The following ZNF10 variants were observed in gnomAD, a reference collection of about 807,000 sequenced individuals.
The protein encoded by ZNF10 is zinc finger protein 10 (KOX 1).
Under a neutral mutation model 12.2 loss-of-function variants are expected in ZNF10, and 8 were observed. That is an observed-to-expected ratio of 0.66 (90% confidence interval 0.39 to 1.18). ZNF10 has a LOEUF of 1.18. Ranked by LOEUF, ZNF10 falls within the 50% of genes most tolerant of loss-of-function variation. ZNF10 has a pLI of 0.01. For missense variants in ZNF10, 603 were observed against 678.9 expected, an observed-to-expected ratio of 0.89 and a Z score of 1.24; for synonymous variants, 229 against 228.2, an observed-to-expected ratio of 1.00 and a Z score of -0.03.
rs745851204 is a variant in ZNF10, at chr12:133,156,946, A to G, written c.1700A>G (p.His567Arg). 7.0e-7 allele frequency: 1 copy of G among 1,424,890 alleles called. No homozygotes were observed. Among genetic ancestry groups the G allele is most frequent in the South Asian group, 1.9e-5 (1 of 52,426 alleles). 88.3% of individuals were successfully genotyped at this position (1,424,890 alleles called of 1,614,324 possible). A position where few individuals can be genotyped will look rare whatever the true frequency, so the allele number is the denominator to read the frequency against. The change falls in exon 5 of 5, where the codon CAT (histidine) becomes CGT (arginine). Residue 567 changes from histidine (H) to arginine (R), a missense_variant. Transcript: ENST00000248211. The stretch of plus-strand genomic sequence containing the variant: ...AACCTTATTGGATACCAGACAAATC[A>G]TATTAGAGAAAATGCTTACTAATAA... ...TSNLIGYQTN[H>R]IRENAY
intron 2 of ZNF10, 135 bp from the exon 3 acceptor site, chr12:133,150,893 C>G: frequency 9.5e-7 from 1 of 1,049,842 alleles, no homozygotes; most frequent in Non-Finnish European, 1.4e-6. Context: ...ACTACTCACT[C>G]CTAGAATAAA....
intron 1 of ZNF10, among the ~76,000 whole-genome samples, chr12:133,135,086 G>T (rs928283531): frequency 1.3e-5 from 2 of 152,134 alleles, no homozygotes; most frequent in Non-Finnish European, 2.9e-5. Context: ...TCTCATAGTT[G>T]TGTTCCTAAC....
intron 1 of ZNF10, among the ~76,000 whole-genome samples, chr12:133,137,895 A>G (rs1479417311): frequency 6.6e-6 from 1 of 152,218 alleles, no homozygotes; most frequent in Non-Finnish European, 1.5e-5. Flanking sequence ...GATACTTTAG[A>G]GAAGTCAGTT....
chr12:133,137,994 A>G (rs911814414), intron 1 of ZNF10, among the ~76,000 whole-genome samples: 3 of 152,082 alleles, frequency 2.0e-5, no homozygotes, highest in Non-Finnish European at 4.4e-5. Flanking sequence ...AATGGTTTAC[A>G]TCTGTGTTTC....
intron 1 of ZNF10, among the ~76,000 whole-genome samples, chr12:133,140,217 A>G (rs886925801): frequency 1.2e-4 from 18 of 144,648 alleles, no homozygotes; most frequent in South Asian, 4.6e-4. Flanking sequence ...AAAAAAAAAA[A>G]AAAAAAAAAA....
chr12:133,155,978 C>A lies in ZNF10; in HGVS notation c.732C>A (p.Asp244Glu). Reference sequence around the variant, plus strand: ...AATCCTACAAATGCCCTGATAATGACAACTCTCTTACTCATGGTTCATCTC... The same window carrying A: ...AATCCTACAAATGCCCTGATAATGAAAACTCTCTTACTCATGGTTCATCTC... ...GDKSYKCPDN[D>E]NSLTHGSSLG... The change falls in exon 5 of 5, where the codon GAC becomes GAA. Residue 244 changes from aspartate to glutamate, a missense_variant. Transcript: ENST00000248211. The A allele has an allele frequency of 6.2e-7, 1 of 1,613,980 alleles. No homozygotes were observed. The highest frequency in any genetic ancestry group is 1.1e-5 in the South Asian group (1 of 91,076).
rs1186467742 is a variant in ZNF10, at chr12:133,157,415, T to C, written c.*447T>C. The stretch of plus-strand genomic sequence containing the variant: ...ATTGTTTTCTTGACTATGTCTCTCT[T>C]CTGGGACATTTAGTAGTGTTTGGTA... On this transcript the variant is annotated 3_prime_UTR_variant, in exon 5 of 5. Coordinates refer to ENST00000248211, the MANE Select transcript of ZNF10 (RefSeq NM_015394.5). 2 of 152,866 alleles carry C rather than the reference T, an allele frequency of 1.3e-5. No homozygotes were observed. The highest frequency in any genetic ancestry group is 2.4e-5 in the African/African-American group (1 of 41,480). The allele number at this position is 152,866 out of a possible 1,614,324, so 9.5% of individuals were successfully genotyped here.
At chr12:133,147,816 C>CG (rs1955985114) in intron 2 of ZNF10, among the ~76,000 whole-genome samples, 1 of 145,976 alleles carries the variant, frequency 6.9e-6, no homozygotes, top group African/African-American at 2.5e-5. Context: ...TTAGTAGAGA[C>CG]GGGGTTTCAC....
At position 133,151,770 on chromosome 12, in the gene ZNF10, C is replaced by T. The variant is rs776488835; in HGVS notation, c.161-39C>T. 2.5e-6 allele frequency: 4 copies of T among 1,571,800 alleles called. No individual in the cohort carries two copies. The East Asian group carries it at 6.7e-5, about 26-fold the overall frequency. On this transcript the variant is annotated intron_variant, in intron 3 of 4. Coordinates refer to ENST00000248211, the MANE Select transcript of ZNF10 (RefSeq NM_015394.5). ...TCTTCGTGCCTACCTCAGAGCTCCC[C>T]TGACTCTTACCCTGTTCTTTGTCTT...
rs1250010303 is a variant in ZNF10, at chr12:133,158,775, G to GAT, written c.*1808_*1809insTA. On this transcript the variant is annotated 3_prime_UTR_variant, in exon 5 of 5. Transcript: ENST00000248211. ...GGAAAAAACCTAGAAATGATGGTTA[G>GAT]AATCAGGAGACTTGAGAACTACGAG... The GAT allele has an allele frequency of 6.6e-6, 1 of 152,180 alleles. No individual in the cohort carries two copies. The highest frequency in any genetic ancestry group is 1.5e-5 in the Non-Finnish European group (1 of 68,036). The allele number at this position is 152,180 out of a possible 1,614,324, so 9.4% of individuals were successfully genotyped here.
intron 4 of ZNF10, among the ~76,000 whole-genome samples, chr12:133,153,459 C>T (rs1238663655): frequency 6.6e-6 from 1 of 152,112 alleles, no homozygotes; most frequent in Non-Finnish European, 1.5e-5. Flanking sequence ...TCAGCACCCC[C>T]CTTATCATAG....
rs1481358765 is a variant in ZNF10 at position 133,156,637 on chromosome 12, A to G, written c.1391A>G (p.His464Arg). The G allele has an allele frequency of 6.2e-7, 1 of 1,614,136 alleles. No individual in the cohort carries two copies. Among genetic ancestry groups the G allele is most frequent in the Admixed American group, 1.7e-5 (1 of 60,026 alleles). ...ACTGGAGAGAAACCATATGAGTGTC[A>G]TGATTGTGGAAAATCTTTCAGCCAG... ...THTGEKPYEC[H>R]DCGKSFSQSS... The change falls in exon 5 of 5, where the codon CAT becomes CGT. Residue 464 changes from histidine to arginine, a missense_variant. His to Arg is a conservative substitution (Grantham distance 29, BLOSUM62 0). Around this residue, in one of 3 missense-constraint regions of ZNF10, gnomAD observed 204 missense variants for 262.8 expected, o/e 0.78. Transcript: ENST00000248211.
In ZNF10 at chr12:133,157,364, GA is replaced by G. The variant is rs1283250478; in HGVS notation, c.*400del. 6.3e-6 allele frequency: 1 copy of G among 157,576 alleles called. No homozygotes were observed. Among genetic ancestry groups the G allele is most frequent in the African/African-American group, 2.4e-5 (1 of 41,682 alleles). 9.8% of individuals were successfully genotyped at this position (157,576 alleles called of 1,614,324 possible). Reference sequence around the variant, plus strand: ...GATACAGTTAATGCAACAAAAGATGGAAAATAATATTTCAGTCAATATGTCA... The same window carrying G: ...GATACAGTTAATGCAACAAAAGATGGAAATAATATTTCAGTCAATATGTCA... On this transcript the variant is annotated 3_prime_UTR_variant, in exon 5 of 5. Coordinates refer to ENST00000248211, the MANE Select transcript of ZNF10 (RefSeq NM_015394.5).
At position 133,156,271 on chromosome 12, in the gene ZNF10, C is replaced by G; in HGVS notation, c.1025C>G (p.Thr342Ser). ...WFSHLVTHQR[T>S]HTGDKLYTCN... is the part of the protein sequence containing the mutation. ...TCTCACCTTGTTACTCATCAGAGAA[C>G]TCATACAGGAGACAAACTGTACACA... The change falls in exon 5 of 5, where the codon ACT becomes AGT. Residue 342 changes from threonine to serine, a missense_variant. By Grantham distance (58) the Thr-to-Ser change is moderately conservative. Around this residue, in one of 3 missense-constraint regions of ZNF10, gnomAD observed 393 missense variants for 399.7 expected, o/e 0.98. Coordinates refer to ENST00000248211, the MANE Select transcript of ZNF10 (RefSeq NM_015394.5). 1 of 1,614,122 alleles carries G rather than the reference C, an allele frequency of 6.2e-7. No individual in the cohort carries two copies. The highest frequency in any genetic ancestry group is 8.5e-7 in the Non-Finnish European group (1 of 1,180,012).
chr12:133,154,210 T>C (rs1593847281), intron 4 of ZNF10, among the ~76,000 whole-genome samples: 1 of 152,156 alleles, frequency 6.6e-6, no homozygotes, highest in Admixed American at 6.5e-5. Flanking sequence ...GTGTATTTTT[T>C]AGGTTTGGGA....
At chr12:133,150,569 T>G (rs568106886) in intron 2 of ZNF10, among the ~76,000 whole-genome samples, 4 of 137,388 alleles carry the variant, frequency 2.9e-5, no homozygotes, top group South Asian at 2.2e-4. Context: ...AACTCTTCTG[T>G]TTTTTTTTTT....
At chr12:133,133,425 A>G (rs2137636587) in intron 1 of ZNF10, among the ~76,000 whole-genome samples, 1 of 152,316 alleles carries the variant, frequency 6.6e-6, no homozygotes, top group South Asian at 2.1e-4. Context: ...ATGAAGTGCT[A>G]AGCACTTTGC....
intron 1 of ZNF10, among the ~76,000 whole-genome samples, chr12:133,136,632 A>G (rs1483778472): frequency 6.9e-6 from 1 of 144,502 alleles, no homozygotes; most frequent in Non-Finnish European, 1.6e-5. Flanking sequence ...TAATGCCATT[A>G]CGTGGCACTA....
At chr12:133,139,911 T>C (rs1055651817) in intron 1 of ZNF10, among the ~76,000 whole-genome samples, 1 of 151,912 alleles carries the variant, frequency 6.6e-6, no homozygotes, top group Non-Finnish European at 1.5e-5. Context: ...AAAAATTTTT[T>C]TAATTAGCCA....
Sources: allele counts gnomAD v4.1 joint callset (sites outside exome capture counted in the v4.1 genomes callset), GRCh38; gene constraint gnomAD v4.1.1; regional missense constraint gnomAD v4.1.1; transcripts MANE v1.5; gene names NCBI Gene and HGNC (gene_info 2026-07-23, HGNC 2026-07-21).